PPP1R3D: variants seen among roughly 807,000 people sequenced by gnomAD.
PPP1R3D encodes PP1 subunit R6.
A neutral mutation model predicts 16.3 loss-of-function variants in PPP1R3D; 27 were observed. The observed-to-expected ratio is 1.66, with a 90% confidence interval of 1.22 to 2.29. The LOEUF is 2.29. Among genes scored for constraint, PPP1R3D ranks in the 30% most tolerant of loss-of-function variants. The pLI, the probability that PPP1R3D is intolerant of heterozygous loss-of-function variation, is 0.00. For missense variants in PPP1R3D, 472 were observed against 438.3 expected, an observed-to-expected ratio of 1.08 and a Z score of -0.69; for synonymous variants, 223 against 209.7, an observed-to-expected ratio of 1.06 and a Z score of -0.55.
chr20:59,939,532 G>C lies in PPP1R3D; in HGVS notation c.400C>G (p.Arg134Gly). 6.2e-7 allele frequency: 1 copy of C among 1,611,998 alleles called. No individual in the cohort carries two copies. Among genetic ancestry groups the C allele is most frequent in the Non-Finnish European group, 8.5e-7 (1 of 1,179,624 alleles). Reference protein sequence around the residue: ...DPSVPLHVLSRLAINSDLCCS... With the variant: ...DPSVPLHVLSGLAINSDLCCS... ...CACAGGTCCGAGTTGATTGCGAGCC[G>C]CGACAGCACGTGCAGCGGCACGGAC... is the stretch of plus-strand genomic sequence containing the variant. The change falls in exon 1 of 1, where the codon CGG (arginine) becomes GGG (glycine). Residue 134 changes from arginine (R) to glycine (G), a missense_variant. Transcript: ENST00000370996.
In PPP1R3D at chr20:59,939,220, A is replaced by G; in HGVS notation, c.712T>C (p.Phe238Leu). The G allele has an allele frequency of 6.2e-7, 1 of 1,610,708 alleles. No individual in the cohort carries two copies. The highest frequency in any genetic ancestry group is 8.5e-7 in the Non-Finnish European group (1 of 1,178,142). ...GPEGTEDVFT[F>L]GFPVPPFLLE... ...AGGAAGGGCGGTACTGGAAAGCCGA[A>G]GGTGAAAACGTCCTCCGTGCCCTCG... is the stretch of plus-strand genomic sequence containing the variant. The change falls in exon 1 of 1, where the codon TTC (phenylalanine) becomes CTC (leucine). Residue 238 changes from phenylalanine to leucine, a missense_variant. By Grantham distance (22) the Phe-to-Leu change is conservative. Coordinates refer to ENST00000370996, the MANE Select transcript of PPP1R3D (RefSeq NM_006242.4).
In PPP1R3D at chr20:59,938,564, A is replaced by G. The variant is rs1166799813; in HGVS notation, c.*468T>C. ...TTCTGTTTACTGTGGGCACAAACAC[A>G]GAACTTTTTTTTTTTAGCTTATTAA... On this transcript the variant is annotated 3_prime_UTR_variant, in exon 1 of 1. Coordinates refer to ENST00000370996, the MANE Select transcript of PPP1R3D (RefSeq NM_006242.4). 1.3e-5 allele frequency: 2 copies of G among 152,764 alleles called. No homozygotes were observed. The highest frequency in any genetic ancestry group is 4.8e-5 in the African/African-American group (2 of 41,386). 9.5% of individuals were successfully genotyped at this position (152,764 alleles called of 1,614,324 possible). A position where few individuals can be genotyped will look rare whatever the true frequency, so the allele number is the denominator to read the frequency against.
At position 59,939,139 on chromosome 20, in the gene PPP1R3D, C is replaced by G. The variant is rs778759736; in HGVS notation, c.793G>C (p.Glu265Gln). 5.6e-6 allele frequency: 9 copies of G among 1,603,496 alleles called. No individual in the cohort carries two copies. Among genetic ancestry groups the G allele is most frequent in the Admixed American group, 1.7e-5 (1 of 59,364 alleles). The change falls in exon 1 of 1, where the codon GAG becomes CAG. Residue 265 changes from glutamate to glutamine, a missense_variant. By Grantham distance (29) the Glu-to-Gln change is conservative. Transcript: ENST00000370996. ...FAVRYQVAGA[E>Q]YWDNNDHRDY... ...CGGTGGTCGTTGTTGTCCCAGTACTCGGCACCCGCCACTTGGTAGCGCACC... is the reference window on the plus strand; with the variant it reads ...CGGTGGTCGTTGTTGTCCCAGTACTGGGCACCCGCCACTTGGTAGCGCACC...
Position 59,939,637 on chromosome 20 carries a change from G to A in PPP1R3D, c.295C>T (p.Gln99Ter). 1.9e-6 allele frequency: 3 copies of A among 1,570,888 alleles called. No homozygotes were observed. The highest frequency in any genetic ancestry group is 1.7e-6 in the Non-Finnish European group (2 of 1,162,400). ...PGAACRPGCS[Q>*]KLRVRFADAL... Reference sequence around the variant, plus strand: ...TCGGCGAAGCGCACGCGGAGCTTCTGGCTGCAGCCCGGCCGACACGCAGCG... The same window carrying A: ...TCGGCGAAGCGCACGCGGAGCTTCTAGCTGCAGCCCGGCCGACACGCAGCG... Residue 99 changes from glutamine to a stop codon, truncating the protein, a stop_gained, in exon 1 of 1, where the codon CAG becomes TAG. Transcript: ENST00000370996. LOFTEE classifies it high-confidence loss of function.
rs1569004334 is a variant in PPP1R3D at position 59,937,568 on chromosome 20, TAG to T, written c.*1462_*1463del. The T allele has an allele frequency of 2.0e-5, 3 of 152,342 alleles. No homozygotes were observed. The highest frequency in any genetic ancestry group is 7.2e-5 in the African/African-American group (3 of 41,450). 9.4% of individuals were successfully genotyped at this position (152,342 alleles called of 1,614,324 possible). A position where few individuals can be genotyped will look rare whatever the true frequency, so the allele number is the denominator to read the frequency against. ...AGATGCCAACAAGCATTCAAAAATTTAGAGTTAATTTCTTGGTGACAGGTAGC... is the reference window on the plus strand; with the variant it reads ...AGATGCCAACAAGCATTCAAAAATTTAGTTAATTTCTTGGTGACAGGTAGC... On this transcript the variant is annotated 3_prime_UTR_variant, in exon 1 of 1. Coordinates refer to ENST00000370996, the MANE Select transcript of PPP1R3D (RefSeq NM_006242.4).
chr20:59,939,037 T>C lies in PPP1R3D; in HGVS notation c.895A>G (p.Ile299Val). Residue 299 changes from isoleucine (I) to valine (V), a missense_variant, in exon 1 of 1, where the codon ATC (isoleucine) becomes GTC (valine). By Grantham distance (29) the Ile-to-Val change is conservative. Coordinates refer to ENST00000370996, the MANE Select transcript of PPP1R3D (RefSeq NM_006242.4). ...GTGGCCGGTCCCCGCGCGGCTCAGA[T>C]GAAGTGGATCCAGCTCTCTTCGCAC... is the stretch of plus-strand genomic sequence containing the variant. Reference protein sequence around the residue: ...GECEESWIHFI With the variant: ...GECEESWIHFV 1.3e-6 allele frequency: 2 copies of C among 1,526,702 alleles called. No individual in the cohort carries two copies. Among genetic ancestry groups the C allele is most frequent in the South Asian group, 1.2e-5 (1 of 82,914 alleles). 94.6% of individuals were successfully genotyped at this position (1,526,702 alleles called of 1,614,324 possible).
Position 59,940,283 on chromosome 20 carries a change from T to G in PPP1R3D, c.-352A>C. ...GGAGCGGCCCCTCCCACTTTCCCGG[T>G]CCGCGGCGTTACTTACAAGGCTGCA... On this transcript the variant is annotated 5_prime_UTR_variant, in exon 1 of 1. Coordinates refer to ENST00000370996, the MANE Select transcript of PPP1R3D (RefSeq NM_006242.4). 5.4e-6 allele frequency: 1 copy of G among 185,630 alleles called. No individual in the cohort carries two copies. The highest frequency in any genetic ancestry group is 1.2e-5 in the Non-Finnish European group (1 of 81,206). The allele number at this position is 185,630 out of a possible 1,614,324, so 11.5% of individuals were successfully genotyped here.
In PPP1R3D at chr20:59,938,792, C is replaced by T. The variant is rs2060877266; in HGVS notation, c.*240G>A. The T allele has an allele frequency of 1.0e-5, 4 of 385,286 alleles. 1 individual carries two copies. The highest frequency in any genetic ancestry group is 1.8e-5 in the Non-Finnish European group (4 of 218,310). 23.9% of individuals were successfully genotyped at this position (385,286 alleles called of 1,614,324 possible). On this transcript the variant is annotated 3_prime_UTR_variant, in exon 1 of 1. Coordinates refer to ENST00000370996, the MANE Select transcript of PPP1R3D (RefSeq NM_006242.4). ...CCATGCACCTACCCCACCACCCTGCCCCAACTCATTACACAACTCGGCCTT... is the reference window on the plus strand; with the variant it reads ...CCATGCACCTACCCCACCACCCTGCTCCAACTCATTACACAACTCGGCCTT...
rs374884643 is a variant in PPP1R3D at position 59,939,253 on chromosome 20, C to T, written c.679G>A (p.Ala227Thr). The change falls in exon 1 of 1, where the codon GCA (alanine) becomes ACA (threonine). Residue 227 changes from alanine (A) to threonine (T), a missense_variant. Ala to Thr is a moderately conservative substitution (Grantham distance 58). Coordinates refer to ENST00000370996, the MANE Select transcript of PPP1R3D (RefSeq NM_006242.4). ...ACGTCCTCCGTGCCCTCGGGGCCTG[C>T]GGGCCCGCGCCACCGCGCCACCGCC... ...HEAVARWRGP[A>T]GPEGTEDVFT... is the part of the protein sequence containing the mutation. 187 of 1,611,600 alleles carry T rather than the reference C, an allele frequency of 1.2e-4. No homozygotes were observed. Among genetic ancestry groups the T allele is most frequent in the Non-Finnish European group, 1.5e-4 (179 of 1,179,238 alleles).
chr20:59,940,222 C>A lies in PPP1R3D; in HGVS notation c.-291G>T, dbSNP rs940072788. The A allele has an allele frequency of 6.8e-6, 2 of 295,992 alleles. No individual in the cohort carries two copies. The highest frequency in any genetic ancestry group is 1.3e-5 in the Non-Finnish European group (2 of 152,302). 18.3% of individuals were successfully genotyped at this position (295,992 alleles called of 1,614,324 possible). A position where few individuals can be genotyped will look rare whatever the true frequency, so the allele number is the denominator to read the frequency against. ...GGGTAGCGCCTCTTTTTTCTTCTTG[C>A]TTCCTTGGAGGTTCTTACAAGAAGG... On this transcript the variant is annotated 5_prime_UTR_variant, in exon 1 of 1. Transcript: ENST00000370996.
At position 59,938,842 on chromosome 20, in the gene PPP1R3D, G is replaced by A. The variant is rs1044480471; in HGVS notation, c.*190C>T. The A allele has an allele frequency of 8.3e-6, 4 of 482,460 alleles. No individual in the cohort carries two copies. Among genetic ancestry groups the A allele is most frequent in the Non-Finnish European group, 1.0e-5 (3 of 294,472 alleles). The allele number at this position is 482,460 out of a possible 1,614,324, so 29.9% of individuals were successfully genotyped here. ...TCTGGCCACCTGAGGCTACTTTTTA[G>A]ACCAAGTGACTCAGACGTTTCAAGT... On this transcript the variant is annotated 3_prime_UTR_variant, in exon 1 of 1. Transcript: ENST00000370996.
At position 59,939,389 on chromosome 20, in the gene PPP1R3D, A is replaced by G. The variant is rs780359967; in HGVS notation, c.543T>C (p.Arg181=). 7 of 1,610,802 alleles carry G rather than the reference A, an allele frequency of 4.3e-6. No individual in the cohort carries two copies. The highest frequency in any genetic ancestry group is 5.9e-6 in the Non-Finnish European group (7 of 1,179,544). Residue 181 remains arginine, a synonymous_variant, in exon 1 of 1, where the codon CGT becomes CGC. Transcript: ENST00000370996. ...TGATGCCAAGGTCCGAGCAAGTGAC[A>G]CGCTCCAGGCACACGAGCTGCCGCT... The part of the protein sequence containing the change: ...RLQRQLVCLE[R]VTCSDLGISG...
Position 59,940,276 on chromosome 20 carries a change from T to G in PPP1R3D, c.-345A>C. The G allele has an allele frequency of 1.1e-5, 2 of 189,694 alleles. No homozygotes were observed. The highest frequency in any genetic ancestry group is 1.4e-4 in the East Asian group (1 of 7,220). The allele number at this position is 189,694 out of a possible 1,614,324, so 11.8% of individuals were successfully genotyped here. A position where few individuals can be genotyped will look rare whatever the true frequency, so the allele number is the denominator to read the frequency against. ...CGTTCCGGGAGCGGCCCCTCCCACT[T>G]TCCCGGTCCGCGGCGTTACTTACAA... is the stretch of plus-strand genomic sequence containing the variant. On this transcript the variant is annotated 5_prime_UTR_variant, in exon 1 of 1. Transcript: ENST00000370996.
At position 59,939,306 on chromosome 20, in the gene PPP1R3D, G is replaced by A. The variant is rs2060883138; in HGVS notation, c.626C>T (p.Thr209Ile). The A allele has an allele frequency of 6.2e-7, 1 of 1,612,248 alleles. No individual in the cohort carries two copies. The highest frequency in any genetic ancestry group is 1.3e-5 in the African/African-American group (1 of 75,058). The change falls in exon 1 of 1, where the codon ACT becomes ATT. Residue 209 changes from threonine to isoleucine, a missense_variant. Thr to Ile is a moderately conservative substitution (Grantham distance 89, BLOSUM62 -1). Coordinates refer to ENST00000370996, the MANE Select transcript of PPP1R3D (RefSeq NM_006242.4). Reference sequence around the variant, plus strand: ...GTGGGTACTGCGCCAGCCCGAGAAAGTGTAGCGCACAGCCACCTGCTTCTC... The same window carrying A: ...GTGGGTACTGCGCCAGCCCGAGAAAATGTAGCGCACAGCCACCTGCTTCTC... ...AFEKQVAVRY[T>I]FSGWRSTHEA...
chr20:59,938,941 G>A lies in PPP1R3D; in HGVS notation c.*91C>T, dbSNP rs1358113081. On this transcript the variant is annotated 3_prime_UTR_variant, in exon 1 of 1. Coordinates refer to ENST00000370996, the MANE Select transcript of PPP1R3D (RefSeq NM_006242.4). Reference sequence around the variant, plus strand: ...GTCAGAGGACTTGGAGGGTGGTGAAGAACAACCAGATAGATGTGAGAGCCC... The same window carrying A: ...GTCAGAGGACTTGGAGGGTGGTGAAAAACAACCAGATAGATGTGAGAGCCC... The A allele has an allele frequency of 9.3e-6, 12 of 1,295,700 alleles. No homozygotes were observed. The highest frequency in any genetic ancestry group is 1.2e-5 in the Non-Finnish European group (12 of 985,150). 80.3% of individuals were successfully genotyped at this position (1,295,700 alleles called of 1,614,324 possible). A position where few individuals can be genotyped will look rare whatever the true frequency, so the allele number is the denominator to read the frequency against.
At position 59,936,676 on chromosome 20, in the gene PPP1R3D, C is replaced by G. The variant is rs574629186; in HGVS notation, c.*2356G>C. 6.6e-5 allele frequency: 10 copies of G among 152,196 alleles called. No individual in the cohort carries two copies. Among genetic ancestry groups the G allele is most frequent in the Non-Finnish European group, 1.3e-4 (9 of 68,032 alleles). 9.4% of individuals were successfully genotyped at this position (152,196 alleles called of 1,614,324 possible). On this transcript the variant is annotated 3_prime_UTR_variant, in exon 1 of 1. Transcript: ENST00000370996. ...TGCTACTGACGCTGAGGCACAATGA[C>G]AAAATTTATTTTTGCCAAGGCTCTA...
Position 59,939,273 on chromosome 20 carries a change from A to G in PPP1R3D, c.659T>C (p.Val220Ala), listed in dbSNP as rs2060882844. The G allele has an allele frequency of 6.2e-7, 1 of 1,612,154 alleles. No homozygotes were observed. The highest frequency in any genetic ancestry group is 8.5e-7 in the Non-Finnish European group (1 of 1,179,598). The change falls in exon 1 of 1, where the codon GTG becomes GCG. Residue 220 changes from valine to alanine, a missense_variant. Transcript: ENST00000370996. ...GCCTGCGGGCCCGCGCCACCGCGCC[A>G]CCGCCTCGTGGGTACTGCGCCAGCC... is the stretch of plus-strand genomic sequence containing the variant. ...FSGWRSTHEA[V>A]ARWRGPAGPE... is the part of the protein sequence containing the mutation.
rs1313331037 is a variant in PPP1R3D at position 59,940,012 on chromosome 20, G to A, written c.-81C>T. ...GCGACAGCTCCCTCCGTGCTCAGAAGCCGCAGAGAGTCCACCGTATCTGCA... is the reference window on the plus strand; with the variant it reads ...GCGACAGCTCCCTCCGTGCTCAGAAACCGCAGAGAGTCCACCGTATCTGCA... On this transcript the variant is annotated 5_prime_UTR_variant, in exon 1 of 1. Transcript: ENST00000370996. The A allele has an allele frequency of 2.6e-6, 3 of 1,153,656 alleles. No homozygotes were observed. Among genetic ancestry groups the A allele is most frequent in the Admixed American group, 4.2e-5 (1 of 23,574 alleles). The allele number at this position is 1,153,656 out of a possible 1,614,324, so 71.5% of individuals were successfully genotyped here. A position where few individuals can be genotyped will look rare whatever the true frequency, so the allele number is the denominator to read the frequency against.
Position 59,939,249 on chromosome 20 carries a change from C to T in PPP1R3D, c.683G>A (p.Gly228Asp), listed in dbSNP as rs1355767822. ...GAAAACGTCCTCCGTGCCCTCGGGG[C>T]CTGCGGGCCCGCGCCACCGCGCCAC... ...EAVARWRGPA[G>D]PEGTEDVFTF... Residue 228 changes from glycine (G) to aspartate (D), a missense_variant, in exon 1 of 1, where the codon GGC becomes GAC. Coordinates refer to ENST00000370996, the MANE Select transcript of PPP1R3D (RefSeq NM_006242.4). 1 of 1,611,692 alleles carries T rather than the reference C, an allele frequency of 6.2e-7. No homozygotes were observed. The highest frequency in any genetic ancestry group is 2.2e-5 in the East Asian group (1 of 44,800).
Sources: allele counts gnomAD v4.1 joint callset, GRCh38; gene constraint gnomAD v4.1.1; transcripts MANE v1.5; gene names NCBI Gene and HGNC (gene_info 2026-07-23, HGNC 2026-07-21).